NFYA: variants seen among roughly 807,000 people sequenced by gnomAD.
NFYA encodes nuclear transcription factor Y subunit alpha.
NFYA carries 28 observed loss-of-function variants against 52.8 expected under a neutral mutation model. That is an observed-to-expected ratio of 0.53 (90% CI 0.39 to 0.73). NFYA has a LOEUF of 0.73. NFYA is among the 30% of genes least tolerant of loss of function. The probability of loss-of-function intolerance (pLI) is 0.00; values close to 1 mark genes in which losing one functional copy is unlikely to be tolerated. For missense variants in NFYA, 234 were observed against 427.0 expected (o/e 0.55, Z 3.98); for synonymous variants, 150 against 150.7 (o/e 1.00, Z 0.03).
chr6:41,088,445 ATTTAT>A (rs1166103851), intron 4 of NFYA, among the ~76,000 whole-genome samples: 1 of 149,930 alleles, frequency 6.7e-6, no homozygotes, highest in African/African-American at 2.5e-5. Flanking sequence ...AAAAAAAAAA[ATTTAT>A]TTTATAGTTT....
intron 1 of NFYA, among the ~76,000 whole-genome samples, chr6:41,077,323 A>G (rs1000686367): frequency 6.6e-6 from 1 of 152,158 alleles, no homozygotes; most frequent in Non-Finnish European, 1.5e-5. Flanking sequence ...TGCTACCACA[A>G]TGAAGATATA....
At position 41,100,544 on chromosome 6, in the gene NFYA, T is replaced by C. The variant is rs963423433; in HGVS notation, c.*3134T>C. On this transcript the variant is annotated 3_prime_UTR_variant, in exon 10 of 10. Transcript: ENST00000341376. ...AATGATGAGAGCAGTAGACCTGCCCTGGCAGATGAGAGAGGAGAAACTCTC... is the reference window on the plus strand; with the variant it reads ...AATGATGAGAGCAGTAGACCTGCCCCGGCAGATGAGAGAGGAGAAACTCTC... Among the ~76,000 whole-genome samples, 2 of 152,172 alleles carry C rather than the reference T, an allele frequency of 1.3e-5. No individual in the cohort carries two copies. The highest frequency in any genetic ancestry group is 2.9e-5 in the Non-Finnish European group (2 of 68,030).
At position 41,084,778 on chromosome 6, in the gene NFYA, C is replaced by T. The variant is rs943912560; in HGVS notation, c.309+586C>T. Among the ~76,000 whole-genome samples, 3 of 152,182 alleles carry T rather than the reference C, an allele frequency of 2.0e-5. No homozygotes were observed. In the East Asian group the frequency reaches 5.8e-4, roughly 29 times the overall value. On this transcript the variant is annotated intron_variant, in intron 4 of 9. Transcript: ENST00000341376. ...AGGAGTTCAAGACCAGCCTGGCCAA[C>T]ATGACAAAACCCCATCTCTACTAAA...
intron 4 of NFYA, among the ~76,000 whole-genome samples, 156 bp downstream of exon 4, chr6:41,084,348 T>C (rs1011835959): frequency 2.6e-5 from 4 of 152,246 alleles, no homozygotes; most frequent in Admixed American, 6.5e-5. Context: ...ACCAGTGATA[T>C]AAACTAGAAC....
intron 7 of NFYA, 121 bp from the exon 8 acceptor site, chr6:41,092,791 G>C: frequency 1.1e-6 from 1 of 932,398 alleles, no homozygotes; most frequent in Non-Finnish European, 1.6e-6. Context: ...ATTTACCCAA[G>C]TACCCTATAA....
chr6:41,095,710 C>A (rs190895099), intron 9 of NFYA, among the ~76,000 whole-genome samples: 1 of 152,192 alleles, frequency 6.6e-6, no homozygotes, highest in East Asian at 1.9e-4. Flanking sequence ...GGATTACAGG[C>A]GCACACCATT....
intron 1 of NFYA, among the ~76,000 whole-genome samples, chr6:41,073,790 T>A (rs1055371013): frequency 6.6e-6 from 1 of 151,846 alleles, no homozygotes; most frequent in East Asian, 1.9e-4. Flanking sequence ...GCCGCGCCCC[T>A]CCTCCCAGCC....
intron 8 of NFYA, among the ~76,000 whole-genome samples, chr6:41,093,415 A>G (rs532668197): frequency 4.3e-4 from 66 of 152,250 alleles, no homozygotes; most frequent in African/African-American, 1.6e-3. Context: ...TTCATGGTCC[A>G]AGATTCCTGC....
rs574205366 is a variant in NFYA, at chr6:41,099,583, A to T, written c.*2173A>T. On this transcript the variant is annotated 3_prime_UTR_variant, in exon 10 of 10. Coordinates refer to ENST00000341376, the MANE Select transcript of NFYA (RefSeq NM_002505.5). Reference sequence around the variant, plus strand: ...CACAAAGTGGGGGCAGGGTATTGACATTTGGATTTTTTCTTTGATACTAGT... The same window carrying T: ...CACAAAGTGGGGGCAGGGTATTGACTTTTGGATTTTTTCTTTGATACTAGT... The T allele has an allele frequency of 2.6e-4, 39 of 152,264 alleles. No individual in the cohort carries two copies. Among genetic ancestry groups the T allele is most frequent in the African/African-American group, 7.9e-4 (33 of 41,564 alleles). 9.4% of individuals were successfully genotyped at this position (152,264 alleles called of 1,614,324 possible).
intron 5 of NFYA, 47 bp from the exon 6 acceptor site, chr6:41,090,157 A>T: frequency 8.1e-7 from 1 of 1,237,980 alleles, no homozygotes; most frequent in Non-Finnish European, 1.2e-6. Context: ...GTTCTTTGTT[A>T]GTATCTTTGG....
chr6:41,073,682 G>T (rs756041602), intron 1 of NFYA, among the ~76,000 whole-genome samples: 1 of 151,986 alleles, frequency 6.6e-6, no homozygotes, highest in East Asian at 1.9e-4. Context: ...GGCTGGCAAC[G>T]GGGCTGGCCC....
chr6:41,085,721 A>G (rs966636969), intron 4 of NFYA, among the ~76,000 whole-genome samples: 6 of 151,258 alleles, frequency 4.0e-5, no homozygotes, highest in Admixed American at 3.9e-4. Flanking sequence ...TTTTGGGCAT[A>G]ATTGTACCAT....
At position 41,099,959 on chromosome 6, in the gene NFYA, T is replaced by C. The variant is rs1289515462; in HGVS notation, c.*2549T>C. 1 of 152,186 alleles carries C rather than the reference T, an allele frequency of 6.6e-6. No homozygotes were observed. The highest frequency in any genetic ancestry group is 2.4e-5 in the African/African-American group (1 of 41,436). The allele number at this position is 152,186 out of a possible 1,614,324, so 9.4% of individuals were successfully genotyped here. On this transcript the variant is annotated 3_prime_UTR_variant, in exon 10 of 10. Transcript: ENST00000341376. ...CAATTGTTATTTTTTAAAATAAATTTATAAAAATAACCGAAAAGTAATGTG... is the reference window on the plus strand; with the variant it reads ...CAATTGTTATTTTTTAAAATAAATTCATAAAAATAACCGAAAAGTAATGTG...
intron 9 of NFYA, among the ~76,000 whole-genome samples, chr6:41,094,713 T>G (rs912845151): frequency 2.0e-5 from 3 of 152,080 alleles, no homozygotes; most frequent in African/African-American, 7.2e-5. Flanking sequence ...TTTGGGAGGC[T>G]GAGGTGGGAA....
Position 41,100,053 on chromosome 6 carries a change from G to A in NFYA, c.*2643G>A, listed in dbSNP as rs181753272. On this transcript the variant is annotated 3_prime_UTR_variant, in exon 10 of 10. Transcript: ENST00000341376. ...CAGTGTTGAAATTTTGATCTCCCCC[G>A]ACAAGACTTGTCTGCATGGACGGTG... 8 of 152,220 alleles carry A rather than the reference G, an allele frequency of 5.3e-5. No individual in the cohort carries two copies. The East Asian group carries it at 1.4e-3, about 26-fold the overall frequency. The allele number at this position is 152,220 out of a possible 1,614,324, so 9.4% of individuals were successfully genotyped here.
Position 41,099,971 on chromosome 6 carries a change from C to T in NFYA, c.*2561C>T, listed in dbSNP as rs1468104009. 6.6e-6 allele frequency: 1 copy of T among 151,882 alleles called. No homozygotes were observed. The allele number at this position is 151,882 out of a possible 1,614,324, so 9.4% of individuals were successfully genotyped here. On this transcript the variant is annotated 3_prime_UTR_variant, in exon 10 of 10. Coordinates refer to ENST00000341376, the MANE Select transcript of NFYA (RefSeq NM_002505.5). Reference sequence around the variant, plus strand: ...TTTAAAATAAATTTATAAAAATAACCGAAAAGTAATGTGACTTTTGAGGAA... The same window carrying T: ...TTTAAAATAAATTTATAAAAATAACTGAAAAGTAATGTGACTTTTGAGGAA...
rs533021236 is a variant in NFYA, at chr6:41,101,409, T to C, written c.*3999T>C. 2.6e-5 allele frequency among the ~76,000 whole-genome samples: 4 copies of C among 152,328 alleles called. No homozygotes were observed. In the South Asian group the frequency reaches 8.3e-4, roughly 32 times the overall value. On this transcript the variant is annotated 3_prime_UTR_variant, in exon 10 of 10. Coordinates refer to ENST00000341376, the MANE Select transcript of NFYA (RefSeq NM_002505.5). ...TCAGTCCTTGAGCTCACCCCAAAGA[T>C]GATGAAATTGAAACTCAGAGGAAAG...
chr6:41,091,746 A>G (rs1381110972), intron 7 of NFYA, 52 bp downstream of exon 7: 23 of 1,589,520 alleles, frequency 1.4e-5, no homozygotes, highest in Non-Finnish European at 1.5e-5. Flanking sequence ...TGAACATGCA[A>G]CTTGATGCCT....
At chr6:41,084,285 T>TA (rs1763983898) in intron 4 of NFYA, 93 bp downstream of exon 4, 1 of 1,416,080 alleles carries the variant, frequency 7.1e-7, no homozygotes, top group Admixed American at 2.2e-5. Flanking sequence ...ATATTGCATT[T>TA]AACTGCTTCC....
Sources: gnomAD v4.1 joint callset for allele counts (sites outside exome capture counted in the v4.1 genomes callset) on GRCh38, gnomAD v4.1.1 for gene constraint, MANE v1.5 for transcripts, NCBI Gene and HGNC (gene_info 2026-07-23, HGNC 2026-07-21) for gene names.